PDE12: variants seen among roughly 807,000 people sequenced by gnomAD.
The protein encoded by PDE12 is phosphodiesterase 12, also known as 2',5'-phosphodiesterase 12.
In PDE12, 26 loss-of-function variants were observed where a neutral mutation model predicts 45.4. The observed-to-expected ratio is 0.57, with a 90% CI of 0.42 to 0.79. The LOEUF is 0.79. PDE12 is among the 30% of genes least tolerant of loss of function. The pLI is 0.00. For synonymous variants in PDE12, 283 were observed against 323.9 expected (o/e 0.87, Z 1.36); for missense variants, 668 against 790.0 (o/e 0.85, Z 1.85).
At chr3:57,585,124 A>G in the PDE12 span, among the ~76,000 whole-genome samples, 1 of 152,170 alleles carries the variant, frequency 6.6e-6, no homozygotes, top group East Asian at 1.9e-4. Context: ...TGGGCCTGCC[A>G]ATGTGCTGGG....
the PDE12 span, chr3:57,641,602 C>A: frequency 7.0e-7 from 1 of 1,432,074 alleles, no homozygotes; most frequent in South Asian, 1.4e-5. Flanking sequence ...AGAAAGAAAC[C>A]TGTTCAGCAA....
chr3:57,650,608 G>A, the PDE12 span, among the ~76,000 whole-genome samples: 1 of 152,018 alleles, frequency 6.6e-6, no homozygotes, highest in Non-Finnish European at 1.5e-5. Context: ...TGGTTCTAGG[G>A]CTTGGGAAGA....
At chr3:57,636,498 G>A in the PDE12 span, among the ~76,000 whole-genome samples, 2 of 152,144 alleles carry the variant, frequency 1.3e-5, no homozygotes, top group Non-Finnish European at 2.9e-5. Flanking sequence ...ATGATACAGA[G>A]AAATGACAAT....
At chr3:57,597,916 C>T in the PDE12 span, 1 of 152,270 alleles carries the variant, frequency 6.6e-6, no homozygotes, top group East Asian at 1.9e-4. Flanking sequence ...ACTTGTGGGC[C>T]GAGAAACTGT....
chr3:57,611,975 A>G, the PDE12 span, among the ~76,000 whole-genome samples: 1 of 152,138 alleles, frequency 6.6e-6, no homozygotes, highest in African/African-American at 2.4e-5. Context: ...ACAATAGCAA[A>G]GACTTGGAAC....
intron 1 of PDE12, among the ~76,000 whole-genome samples, chr3:57,558,582 C>T (rs1054646896): frequency 2.6e-5 from 4 of 152,142 alleles, no homozygotes; most frequent in Admixed American, 1.3e-4. Flanking sequence ...CTTCCGCCTC[C>T]CGGGTTCAAG....
Position 57,557,539 on chromosome 3 carries a change from G to T in PDE12, c.1160G>T (p.Arg387Leu), listed in dbSNP as rs767425549. 2 of 1,614,094 alleles carry T rather than the reference G, an allele frequency of 1.2e-6. No homozygotes were observed. The highest frequency in any genetic ancestry group is 2.2e-5 in the East Asian group (1 of 44,866). ...CACGAAGGCCTGGCCACTTTCTACC[G>T]AAAGTCTAAGTTCAGCCTTCTTAGC... ...KQHEGLATFY[R>L]KSKFSLLSQH... Residue 387 changes from arginine to leucine, a missense_variant, in exon 1 of 3, where the codon CGA (arginine) becomes CTA (leucine). Around this residue, in one of 3 missense-constraint regions of PDE12, gnomAD observed 580 missense variants for 662.9 expected, o/e 0.87. Coordinates refer to ENST00000311180, the MANE Select transcript of PDE12 (RefSeq NM_177966.7).
chr3:57,568,118 A>G (rs2069803115), downstream of PDE12, among the ~76,000 whole-genome samples: 1 of 151,118 alleles, frequency 6.6e-6, no homozygotes, highest in Non-Finnish European at 1.5e-5. Flanking sequence ...TTCAATGACA[A>G]GTTAGGAGTC....
the PDE12 span, among the ~76,000 whole-genome samples, chr3:57,572,956 A>C: frequency 6.6e-6 from 1 of 151,800 alleles, no homozygotes; most frequent in Non-Finnish European, 1.5e-5. Flanking sequence ...TAATCCCAGC[A>C]CTTTGGGAGG....
chr3:57,560,928 C>T lies in PDE12; in HGVS notation c.*924C>T, dbSNP rs1183745017. 1.0e-6 allele frequency: 1 copy of T among 983,026 alleles called. No homozygotes were observed. Among genetic ancestry groups the T allele is most frequent in the East Asian group, 1.1e-4 (1 of 8,818 alleles). The allele number at this position is 983,026 out of a possible 1,614,324, so 60.9% of individuals were successfully genotyped here. ...AACAAAAGATAAAAATAAATCGTCA[C>T]CAATTGTTATTGCTTCTCATCTTTC... On this transcript the variant is annotated 3_prime_UTR_variant, in exon 3 of 3. Transcript: ENST00000311180.
chr3:57,559,918 G>A lies in PDE12; in HGVS notation c.1744G>A (p.Glu582Lys). 6.2e-7 allele frequency: 1 copy of A among 1,613,916 alleles called. No individual in the cohort carries two copies. The highest frequency in any genetic ancestry group is 8.5e-7 in the Non-Finnish European group (1 of 1,180,018). ...VEQVIPLPSH[E>K]EVTTHQALPS... The stretch of plus-strand genomic sequence containing the variant: ...ACAGGTGATTCCATTACCTAGTCAT[G>A]AAGAAGTTACCACCCACCAGGCCTT... The change falls in exon 3 of 3, where the codon GAA becomes AAA. Residue 582 changes from glutamate to lysine, a missense_variant. Glu to Lys is a moderately conservative substitution (Grantham distance 56). This residue lies in a region of PDE12 where 79 missense variants were observed against 97.9 expected (regional missense o/e 0.81). Coordinates refer to ENST00000311180, the MANE Select transcript of PDE12 (RefSeq NM_177966.7).
chr3:57,629,099 T>C, the PDE12 span, among the ~76,000 whole-genome samples: 1 of 152,212 alleles, frequency 6.6e-6, no homozygotes, highest in South Asian at 2.1e-4. Context: ...TTGTCTCATA[T>C]TTGGAAGTAA....
chr3:57,559,764 C>A lies in PDE12; in HGVS notation c.1590C>A (p.Cys530Ter). ...CTTCCAATGGGGAGGAGGAAAGATG[C>A]AATATGTCTCTTACACATTTCTTCA... The part of the protein sequence containing the change: ...DWASNGEEER[C>*]NMSLTHFFKL... The change falls in exon 3 of 3, where the codon TGC (cysteine) becomes TGA (stop). Residue 530 changes from cysteine to a stop codon, truncating the protein, a stop_gained. Transcript: ENST00000311180. LOFTEE classifies it high-confidence loss of function. The A allele has an allele frequency of 6.2e-7, 1 of 1,614,180 alleles. No homozygotes were observed. The highest frequency in any genetic ancestry group is 8.5e-7 in the Non-Finnish European group (1 of 1,180,038).
chr3:57,567,126 A>G (rs1302088215), downstream of PDE12, among the ~76,000 whole-genome samples: 1 of 152,124 alleles, frequency 6.6e-6, no homozygotes, highest in African/African-American at 2.4e-5. Context: ...CCTGGCCAAC[A>G]TGGTGAACCT....
At chr3:57,591,134 C>G in the PDE12 span, among the ~76,000 whole-genome samples, 2 of 152,158 alleles carry the variant, frequency 1.3e-5, no homozygotes, top group South Asian at 4.1e-4. Flanking sequence ...GGGATGTAAA[C>G]GAGGATGTAA....
At chr3:57,628,163 A>G in the PDE12 span, 2 of 1,582,678 alleles carry the variant, frequency 1.3e-6, no homozygotes, top group East Asian at 4.5e-5. Context: ...TTGAAATGTC[A>G]GTATGCTTCA....
At chr3:57,633,626 C>T in the PDE12 span, among the ~76,000 whole-genome samples, 1 of 152,260 alleles carries the variant, frequency 6.6e-6, no homozygotes, top group East Asian at 1.9e-4. Flanking sequence ...CCGTGGCTCA[C>T]GTCTGTAATC....
At chr3:57,637,395 C>CTTCTGCAAG in the PDE12 span, among the ~76,000 whole-genome samples, 1 of 152,178 alleles carries the variant, frequency 6.6e-6, no homozygotes, top group South Asian at 2.1e-4. Context: ...AGGAATGATC[C>CTTCTGCAAG]TTCTGCAAGG....
At chr3:57,637,640 T>C in the PDE12 span, among the ~76,000 whole-genome samples, 2 of 151,618 alleles carry the variant, frequency 1.3e-5, no homozygotes, top group Admixed American at 6.6e-5. Context: ...GGCCTGGGTG[T>C]TTTTTAACTC....
Sources: allele counts gnomAD v4.1 joint callset (sites outside exome capture counted in the v4.1 genomes callset), GRCh38; gene constraint gnomAD v4.1.1; regional missense constraint gnomAD v4.1.1; transcripts MANE v1.5; gene names NCBI Gene and HGNC (gene_info 2026-07-23, HGNC 2026-07-21).